IL19: variants seen among roughly 807,000 people sequenced by gnomAD.
IL19 encodes interleukin 19, also known as interleukin-19.
Under a neutral mutation model 19.5 loss-of-function variants are expected in IL19, and 15 were observed. The observed-to-expected ratio is 0.77, with a 90% confidence interval of 0.52 to 1.19. The LOEUF is 1.19. Among genes scored for constraint, IL19 ranks in the 50% most tolerant of loss-of-function variants. The pLI, the probability that IL19 is intolerant of heterozygous loss-of-function variation, is 0.00. For synonymous variants in IL19, 78 were observed against 78.3 expected, an observed-to-expected ratio of 1.00 and a Z score of 0.02; for missense variants, 199 against 213.1, an observed-to-expected ratio of 0.93 and a Z score of 0.41.
Position 206,836,682 on chromosome 1 carries a change from C to T in IL19, c.20C>T (p.Ser7Phe). ...GCAGGCATGAAGTTACAGTGTGTTT[C>T]CCTTTGGCTCCTGGGTACAATACTG... MKLQCV[S>F]LWLLGTILIL... is the part of the protein sequence containing the mutation. The change falls in exon 3 of 7, where the codon TCC becomes TTC. Residue 7 changes from serine to phenylalanine, a missense_variant. By Grantham distance (155) the Ser-to-Phe change is radical (BLOSUM62 -2). Transcript: ENST00000659997. 1 of 1,611,404 alleles carries T rather than the reference C, an allele frequency of 6.2e-7. No individual in the cohort carries two copies. The highest frequency in any genetic ancestry group is 2.2e-5 in the East Asian group (1 of 44,866).
chr1:206,776,403 A>T, intron 1 of IL19, among the ~76,000 whole-genome samples: 1 of 151,836 alleles, frequency 6.6e-6, no homozygotes. Flanking sequence ...CTGCAGAGGA[A>T]TCTGGGCAGG....
chr1:206,771,840 C>T lies in IL19; in HGVS notation c.-149+762C>T, dbSNP rs541015585. On this transcript the variant is annotated intron_variant, in intron 1 of 6. Transcript: ENST00000659997. ...AGGGATTAAGAAGCTCCTTCTAATG[C>T]AGGTTTCCCTCATGTAGAGTGCTTC... Among the ~76,000 whole-genome samples the T allele has an allele frequency of 5.9e-5, 9 of 152,346 alleles. 1 individual carries two copies. In the South Asian group the frequency reaches 1.9e-3, roughly 32 times the overall value.
intron 2 of IL19, chr1:206,834,363 G>T: frequency 1.0e-6 from 1 of 985,656 alleles, no homozygotes; most frequent in Non-Finnish European, 1.2e-6. Flanking sequence ...AGCACTGAGA[G>T]GAGACACAAG....
chr1:206,786,260 G>A (rs1377883012), intron 1 of IL19, among the ~76,000 whole-genome samples: 1 of 152,180 alleles, frequency 6.6e-6, no homozygotes, highest in Non-Finnish European at 1.5e-5. Flanking sequence ...TACCTGACAA[G>A]CCATTGCTTA....
intron 2 of IL19, among the ~76,000 whole-genome samples, 194 bp from the exon 3 acceptor site, chr1:206,836,467 T>C (rs1287235539): frequency 6.6e-6 from 1 of 152,108 alleles, no homozygotes; most frequent in African/African-American, 2.4e-5. Flanking sequence ...GGGGAAGAAC[T>C]CATATCCAGT....
intron 2 of IL19, among the ~76,000 whole-genome samples, chr1:206,827,382 A>G (rs1558619778): frequency 6.6e-6 from 1 of 152,116 alleles, no homozygotes; most frequent in Non-Finnish European, 1.5e-5. Context: ...TTTTGAATTC[A>G]ATTTTCAAAT....
At chr1:206,790,259 G>A (rs1675365872) in intron 1 of IL19, among the ~76,000 whole-genome samples, 1 of 152,006 alleles carries the variant, frequency 6.6e-6, no homozygotes, top group African/African-American at 2.4e-5. Flanking sequence ...ATCTCATTGT[G>A]GTTCTTCCAA....
intron 2 of IL19, among the ~76,000 whole-genome samples, chr1:206,810,663 G>T (rs1172026435): frequency 6.6e-6 from 1 of 152,182 alleles, no homozygotes; most frequent in Non-Finnish European, 1.5e-5. Context: ...GAGGCCAAAT[G>T]CTATAATTTA....
intron 2 of IL19, among the ~76,000 whole-genome samples, chr1:206,806,440 A>C (rs1303344204): frequency 6.6e-6 from 1 of 152,230 alleles, no homozygotes; most frequent in African/African-American, 2.4e-5. Flanking sequence ...AGGCAGGGAG[A>C]AAACAAGTCA....
chr1:206,830,582 T>C (rs898445398), intron 2 of IL19, among the ~76,000 whole-genome samples: 1 of 151,982 alleles, frequency 6.6e-6, no homozygotes, highest in African/African-American at 2.4e-5. Context: ...CAGTTTTATA[T>C]ATATATATAT....
intron 1 of IL19, among the ~76,000 whole-genome samples, chr1:206,785,424 G>A (rs530264252): frequency 2.6e-5 from 4 of 152,284 alleles, no homozygotes; most frequent in East Asian, 3.9e-4. Flanking sequence ...ATACAGTGGT[G>A]GGAAAGAAGC....
intron 2 of IL19, among the ~76,000 whole-genome samples, chr1:206,822,952 TG>T (rs2102475608): frequency 6.6e-6 from 1 of 152,100 alleles, no homozygotes; most frequent in East Asian, 1.9e-4. Flanking sequence ...TTGTTTGAAA[TG>T]AAGTCTCACT....
chr1:206,794,867 C>T (rs1025426518), intron 1 of IL19, among the ~76,000 whole-genome samples: 6 of 152,166 alleles, frequency 3.9e-5, no homozygotes, highest in African/African-American at 1.4e-4. Context: ...TATTTCTGCC[C>T]ATGGCACTCA....
At chr1:206,833,937 G>A in intron 2 of IL19, 1 of 985,592 alleles carries the variant, frequency 1.0e-6, no homozygotes, top group Non-Finnish European at 1.2e-6. Flanking sequence ...TCGTGCTGCA[G>A]CCAGAGGCAC....
At chr1:206,813,095 T>C (rs1427071641) in intron 2 of IL19, among the ~76,000 whole-genome samples, 3 of 151,930 alleles carry the variant, frequency 2.0e-5, no homozygotes, top group African/African-American at 7.2e-5. Context: ...AGCAGTGTAA[T>C]GGATGCTAAA....
chr1:206,806,484 A>C (rs1444116723), intron 2 of IL19, among the ~76,000 whole-genome samples: 1 of 152,234 alleles, frequency 6.6e-6, no homozygotes, highest in African/African-American at 2.4e-5. Context: ...ATAACTCTAA[A>C]TGTGAGAAGA....
At chr1:206,783,602 C>T (rs1221468446) in intron 1 of IL19, among the ~76,000 whole-genome samples, 1 of 152,180 alleles carries the variant, frequency 6.6e-6, no homozygotes, top group Non-Finnish European at 1.5e-5. Context: ...CCTTATATAC[C>T]TCTGACAGCA....
intron 1 of IL19, 84 bp downstream of exon 1, chr1:206,771,162 C>T: frequency 2.9e-6 from 4 of 1,367,954 alleles, no homozygotes; most frequent in Non-Finnish European, 4.2e-6. Flanking sequence ...AGCGATCCTC[C>T]TTCACCAGAA....
intron 1 of IL19, among the ~76,000 whole-genome samples, chr1:206,796,390 A>G (rs1313116177): frequency 1.3e-5 from 2 of 152,230 alleles, no homozygotes; most frequent in African/African-American, 4.8e-5. Context: ...CAGGTTGACC[A>G]TAAATTAGCC....
Sources: allele counts gnomAD v4.1 joint callset (sites outside exome capture counted in the v4.1 genomes callset), GRCh38; gene constraint gnomAD v4.1.1; transcripts MANE v1.5; gene names NCBI Gene and HGNC (gene_info 2026-07-23, HGNC 2026-07-21).